SORCS2: variants seen among roughly 807,000 people sequenced by gnomAD.
SORCS2 encodes VPS10 domain-containing receptor SorCS2.
A neutral mutation model predicts 141.6 loss-of-function variants in SORCS2; 100 were observed. The ratio of observed to expected loss-of-function variants is 0.71; its 90% CI spans 0.60 to 0.83. SORCS2 has a LOEUF of 0.83. SORCS2 is among the 40% of genes least tolerant of loss of function. The pLI is 0.00. For missense variants in SORCS2, 1,646 were observed against 1,560.2 expected, an observed-to-expected ratio of 1.05 and a Z score of -0.93; for synonymous variants, 789 against 676.9, an observed-to-expected ratio of 1.17 and a Z score of -2.57.
At position 7,531,614 on chromosome 4, in the gene SORCS2, G is replaced by A. The variant is rs372434484; in HGVS notation, c.633G>A (p.Pro211=). Residue 211 remains proline, a synonymous_variant, in exon 3 of 27, where the codon CCG becomes CCA. Transcript: ENST00000507866. The part of the protein sequence containing the change: ...TTVIDNFYIC[P]TNKRKVILVS... The stretch of plus-strand genomic sequence containing the variant: ...TCATCGACAATTTCTACATCTGCCC[G>A]ACCAACAAGAGGAAGGTAGGTGCTG... The A allele has an allele frequency of 8.7e-5, 140 of 1,613,556 alleles. No individual in the cohort carries two copies. The highest frequency in any genetic ancestry group is 8.8e-5 in the Non-Finnish European group (104 of 1,179,782).
intron 1 of SORCS2, among the ~76,000 whole-genome samples, chr4:7,331,383 G>C (rs1719645820): frequency 6.6e-6 from 1 of 152,140 alleles, no homozygotes; most frequent in Non-Finnish European, 1.5e-5. Context: ...GTGGGGGTGG[G>C]TGATCGACCC....
At chr4:7,499,068 CAT>C (rs1419779671) in intron 2 of SORCS2, among the ~76,000 whole-genome samples, 1 of 143,214 alleles carries the variant, frequency 7.0e-6, no homozygotes, top group Non-Finnish European at 1.6e-5. Context: ...ATCACGTGTG[CAT>C]ATGTGGGAGT....
At chr4:7,385,459 G>T (rs758595918) in intron 1 of SORCS2, among the ~76,000 whole-genome samples, 2 of 152,214 alleles carry the variant, frequency 1.3e-5, no homozygotes, top group Non-Finnish European at 2.9e-5. Context: ...TCTCTTTCAT[G>T]CGGGCTGGAG....
rs150469236 is a variant in SORCS2 at position 7,390,922 on chromosome 4, G to A, written c.481-5366G>A. On this transcript the variant is annotated intron_variant, in intron 1 of 26. Coordinates refer to ENST00000507866, the MANE Select transcript of SORCS2 (RefSeq NM_020777.3). Reference sequence around the variant, plus strand: ...GAGCAACTCCTCCAATTGACAGGTGGAGAAACCGCGAACTCTGCGAACTCA... The same window carrying A: ...GAGCAACTCCTCCAATTGACAGGTGAAGAAACCGCGAACTCTGCGAACTCA... Among the ~76,000 whole-genome samples, 345 of 152,296 alleles carry A rather than the reference G, an allele frequency of 2.3e-3. 2 individuals are homozygous for A. The highest frequency in any genetic ancestry group is 8.1e-3 in the African/African-American group (335 of 41,568).
At chr4:7,248,769 C>T (rs1713294855) in intron 1 of SORCS2, among the ~76,000 whole-genome samples, 1 of 152,190 alleles carries the variant, frequency 6.6e-6, no homozygotes, top group South Asian at 2.1e-4. Flanking sequence ...AATAACTGAT[C>T]ACCTTAAGAA....
chr4:7,732,414 C>G (rs1478403405), intron 23 of SORCS2, among the ~76,000 whole-genome samples: 5 of 152,142 alleles, frequency 3.3e-5, no homozygotes, highest in African/African-American at 1.2e-4. Context: ...GGAGGAAGCC[C>G]TCCTCTGCGC....
In SORCS2 at chr4:7,737,003, A is replaced by T. The variant is rs6840685; in HGVS notation, c.3312-66A>T. ...TCGGTGTGGTCAGGCGGCCAGCGGAAGGCTCCAGGGACAGGCGGCCTGGGA... is the reference window on the plus strand; with the variant it reads ...TCGGTGTGGTCAGGCGGCCAGCGGATGGCTCCAGGGACAGGCGGCCTGGGA... On this transcript the variant is annotated intron_variant, in intron 25 of 26. Coordinates refer to ENST00000507866, the MANE Select transcript of SORCS2 (RefSeq NM_020777.3). 8 of 1,538,220 alleles carry T rather than the reference A, an allele frequency of 5.2e-6. No individual in the cohort carries two copies. In the East Asian group the frequency reaches 7.4e-5, roughly 14 times the overall value.
At chr4:7,307,704 A>C (rs866360447) in intron 1 of SORCS2, among the ~76,000 whole-genome samples, 1 of 152,126 alleles carries the variant, frequency 6.6e-6, no homozygotes, top group Non-Finnish European at 1.5e-5. Flanking sequence ...CAGGGCTTCA[A>C]TGGGGTCCAC....
intron 2 of SORCS2, among the ~76,000 whole-genome samples, chr4:7,515,714 G>T (rs1732933322): frequency 6.6e-6 from 1 of 152,232 alleles, no homozygotes; most frequent in East Asian, 1.9e-4. Context: ...ATGCAAGGTG[G>T]GGGTGGGGCT....
intron 3 of SORCS2, among the ~76,000 whole-genome samples, chr4:7,627,283 C>T (rs976438766): frequency 1.3e-5 from 2 of 152,138 alleles, no homozygotes; most frequent in African/African-American, 4.8e-5. Flanking sequence ...CTGTACCCAG[C>T]CTTTTCGTGG....
intron 1 of SORCS2, among the ~76,000 whole-genome samples, chr4:7,365,078 C>T (rs1465957623): frequency 6.6e-6 from 1 of 152,222 alleles, no homozygotes; most frequent in Non-Finnish European, 1.5e-5. Flanking sequence ...GTGGCCAGCC[C>T]ATCACAAGGG....
At chr4:7,305,033 C>CTTCTT (rs1447277017) in intron 1 of SORCS2, among the ~76,000 whole-genome samples, 1 of 52,760 alleles carries the variant, frequency 1.9e-5, no homozygotes, top group African/African-American at 3.6e-5. Flanking sequence ...TCTGGCTCTT[C>CTTCTT]TTTTTTTTTT....
chr4:7,597,962 CTTTTTT>C (rs902858065), intron 3 of SORCS2, among the ~76,000 whole-genome samples: 3 of 91,540 alleles, frequency 3.3e-5, no homozygotes, highest in South Asian at 3.7e-4. Flanking sequence ...TTCAGCTAAT[CTTTTTT>C]TTTTTTTTTT....
At chr4:7,437,926 T>C (rs1437691061) in intron 2 of SORCS2, among the ~76,000 whole-genome samples, 1 of 152,202 alleles carries the variant, frequency 6.6e-6, no homozygotes, top group Non-Finnish European at 1.5e-5. Flanking sequence ...TATTTGCACG[T>C]AATTTTTTTA....
At chr4:7,699,209 T>C (rs1724898103) in intron 12 of SORCS2, among the ~76,000 whole-genome samples, 1 of 152,152 alleles carries the variant, frequency 6.6e-6, no homozygotes, top group Admixed American at 6.5e-5. Context: ...CACCCGGCCC[T>C]GCTGCTTGCT....
intron 19 of SORCS2, among the ~76,000 whole-genome samples, chr4:7,724,154 G>GTGA (rs1726827964): frequency 6.8e-6 from 1 of 147,580 alleles, no homozygotes; most frequent in Non-Finnish European, 1.5e-5. Flanking sequence ...GGTCGTGGTG[G>GTGA]TGGTGGTGAT....
intron 2 of SORCS2, among the ~76,000 whole-genome samples, chr4:7,453,305 G>C (rs1446592311): frequency 1.5e-5 from 2 of 134,540 alleles, no homozygotes; most frequent in African/African-American, 2.9e-5. Context: ...TTGGGGTCAG[G>C]TGCTGTGTGT....
At chr4:7,690,337 G>T (rs1215878045) in intron 11 of SORCS2, among the ~76,000 whole-genome samples, 1 of 138,768 alleles carries the variant, frequency 7.2e-6, no homozygotes, top group Non-Finnish European at 1.6e-5. Flanking sequence ...ACGGGTGGGT[G>T]GGTGGGTGTG....
chr4:7,730,745 C>T (rs371935456), intron 23 of SORCS2, among the ~76,000 whole-genome samples: 2 of 152,090 alleles, frequency 1.3e-5, no homozygotes, highest in Non-Finnish European at 2.9e-5. Flanking sequence ...GGGCGCATGG[C>T]GAGTGACTGC....
Sources: allele counts gnomAD v4.1 joint callset (sites outside exome capture counted in the v4.1 genomes callset), GRCh38; gene constraint gnomAD v4.1.1; transcripts MANE v1.5; gene names NCBI Gene and HGNC (gene_info 2026-07-23, HGNC 2026-07-21).